Variants in PTPRT observed in about 807,000 individuals in gnomAD.
PTPRT encodes the protein protein tyrosine phosphatase receptor type T.
A neutral mutation model predicts 176.8 loss-of-function variants in PTPRT; 56 were observed. The ratio of observed to expected loss-of-function variants is 0.32; its 90% CI spans 0.26 to 0.40. The LOEUF is 0.40. Among genes scored for constraint, PTPRT ranks in the 10% least tolerant of loss-of-function variants. The pLI, the probability that PTPRT is intolerant of heterozygous loss-of-function variation, is 1.00. For synonymous variants in PTPRT, 783 were observed against 739.0 expected, an observed-to-expected ratio of 1.06 and a Z score of -0.96; for missense variants, 1,540 against 1,908.2, an observed-to-expected ratio of 0.81 and a Z score of 3.60.
chr20:42,424,931 A>G (rs1415372837), intron 9 of PTPRT, among the ~76,000 whole-genome samples: 1 of 151,476 alleles, frequency 6.6e-6, no homozygotes, highest in Non-Finnish European at 1.5e-5. Context: ...TTAAGCAAAT[A>G]GACACGGCTG....
intron 9 of PTPRT, among the ~76,000 whole-genome samples, chr20:42,434,806 TA>T (rs11397166): frequency 2.7e-5 from 4 of 149,064 alleles, no homozygotes; most frequent in African/African-American, 4.9e-5. Context: ...TATTAAAAAT[TA>T]AAAAAAAAAT....
intron 12 of PTPRT, among the ~76,000 whole-genome samples, chr20:42,299,641 CTTTTT>C (rs34045854): frequency 2.3e-5 from 2 of 85,994 alleles, no homozygotes; most frequent in Non-Finnish European, 4.1e-5. Flanking sequence ...GAACTTTTGC[CTTTTT>C]TTTTTTTTTT....
intron 8 of PTPRT, among the ~76,000 whole-genome samples, chr20:42,459,712 A>G (rs1295991522): frequency 1.3e-5 from 2 of 152,114 alleles, no homozygotes; most frequent in African/African-American, 2.4e-5. Context: ...TTTTTTTGAG[A>G]CAGGGTCTTG....
chr20:42,250,704 G>A (rs535943666), intron 13 of PTPRT, among the ~76,000 whole-genome samples: 19 of 152,306 alleles, frequency 1.2e-4, no homozygotes, highest in African/African-American at 4.6e-4. Flanking sequence ...TAATATGAGG[G>A]TGAGTGAACC....
chr20:42,599,607 C>T (rs2073739385), intron 7 of PTPRT, among the ~76,000 whole-genome samples: 1 of 152,098 alleles, frequency 6.6e-6, no homozygotes, highest in South Asian at 2.1e-4. Context: ...GTTCCCTCTG[C>T]AGTGGGATGA....
intron 1 of PTPRT, among the ~76,000 whole-genome samples, chr20:43,073,080 AC>A (rs1247774717): frequency 6.6e-6 from 1 of 152,192 alleles, no homozygotes; most frequent in Non-Finnish European, 1.5e-5. Flanking sequence ...CACAAAAGAG[AC>A]AGGGTCAAAG....
At chr20:42,384,137 C>T (rs1041071099) in intron 9 of PTPRT, among the ~76,000 whole-genome samples, 3 of 152,156 alleles carry the variant, frequency 2.0e-5, no homozygotes, top group African/African-American at 7.2e-5. Context: ...TGGACTCATC[C>T]ATCAAATGCA....
chr20:42,514,009 A>T (rs1244852733), intron 7 of PTPRT, among the ~76,000 whole-genome samples: 2 of 152,126 alleles, frequency 1.3e-5, no homozygotes, highest in Non-Finnish European at 2.9e-5. Context: ...GAGCGTAAAT[A>T]TGACAATTTA....
chr20:43,169,399 C>T lies in PTPRT; in HGVS notation c.88+20247G>A, dbSNP rs1011890836. Among the ~76,000 whole-genome samples the T allele has an allele frequency of 3.7e-4, 56 of 152,064 alleles. 1 individual carries two copies. The highest frequency in any genetic ancestry group is 3.1e-4 in the Non-Finnish European group (21 of 68,028). Reference sequence around the variant, plus strand: ...ATAAGGTGGGACCTTTGGGGTCTTCCAAGGAGAAAAGCATGCTTGGCCCTC... The same window carrying T: ...ATAAGGTGGGACCTTTGGGGTCTTCTAAGGAGAAAAGCATGCTTGGCCCTC... On this transcript the variant is annotated intron_variant, in intron 1 of 30. Transcript: ENST00000373187.
At chr20:42,624,968 C>T (rs921803247) in intron 7 of PTPRT, among the ~76,000 whole-genome samples, 1 of 152,138 alleles carries the variant, frequency 6.6e-6, no homozygotes, top group Admixed American at 6.5e-5. Flanking sequence ...CCAAATTTGG[C>T]TTGAGGCATC....
chr20:42,864,406 A>G (rs1189390020), intron 2 of PTPRT, among the ~76,000 whole-genome samples: 2 of 152,184 alleles, frequency 1.3e-5, no homozygotes, highest in Admixed American at 1.3e-4. Context: ...ATCAGTACAC[A>G]GGTTACCAAG....
intron 13 of PTPRT, among the ~76,000 whole-genome samples, chr20:42,263,043 C>G (rs1398079877): frequency 6.6e-6 from 1 of 151,948 alleles, no homozygotes; most frequent in Non-Finnish European, 1.5e-5. Context: ...AAGGCAAGTA[C>G]CACTCACATG....
At chr20:43,046,169 A>G (rs1986829667) in intron 1 of PTPRT, among the ~76,000 whole-genome samples, 1 of 152,194 alleles carries the variant, frequency 6.6e-6, no homozygotes, top group Admixed American at 6.5e-5. Flanking sequence ...GAATTAAGAC[A>G]ATCACTGTAG....
At chr20:42,527,830 T>C (rs2072305873) in intron 7 of PTPRT, among the ~76,000 whole-genome samples, 1 of 152,252 alleles carries the variant, frequency 6.6e-6, no homozygotes, top group South Asian at 2.1e-4. Flanking sequence ...AGCTTTCCAA[T>C]AGGCAGTTTA....
intron 9 of PTPRT, among the ~76,000 whole-genome samples, chr20:42,427,751 AAAG>A (rs1365626034): frequency 6.6e-6 from 1 of 152,172 alleles, no homozygotes; most frequent in Non-Finnish European, 1.5e-5. Context: ...AAGATCCACA[AAAG>A]AAGTAAAAAC....
At chr20:42,154,813 G>C (rs756364771) in intron 17 of PTPRT, among the ~76,000 whole-genome samples, 87 of 152,304 alleles carry the variant, frequency 5.7e-4, no homozygotes, top group Non-Finnish European at 7.9e-4. Context: ...TTGCTGTGAT[G>C]CTTAGGGTTT....
chr20:42,106,490 A>G (rs1052445185), intron 24 of PTPRT, among the ~76,000 whole-genome samples: 4 of 152,176 alleles, frequency 2.6e-5, no homozygotes, highest in African/African-American at 7.2e-5. Flanking sequence ...TACTATTCCA[A>G]TAATCCCCGA....
chr20:42,910,593 A>C (rs1212467513), intron 1 of PTPRT, among the ~76,000 whole-genome samples: 2 of 152,168 alleles, frequency 1.3e-5, no homozygotes, highest in Non-Finnish European at 2.9e-5. Context: ...CAGATCACTG[A>C]GAGTCACATA....
intron 6 of PTPRT, among the ~76,000 whole-genome samples, chr20:42,704,195 G>GATA (rs1427648747): frequency 2.0e-5 from 3 of 152,052 alleles, no homozygotes; most frequent in African/African-American, 7.2e-5. Context: ...GGTTTCCTCA[G>GATA]ATATTCAATC....
Sources: gnomAD v4.1 joint callset for allele counts (sites outside exome capture counted in the v4.1 genomes callset) on GRCh38, gnomAD v4.1.1 for gene constraint, MANE v1.5 for transcripts, NCBI Gene and HGNC (gene_info 2026-07-23, HGNC 2026-07-21) for gene names.